Variants in FNDC7 observed in about 807,000 individuals in gnomAD.
FNDC7 encodes the protein fibronectin type III domain-containing protein 7.
In FNDC7, 66 loss-of-function variants were observed where a neutral mutation model predicts 74.2. The observed-to-expected ratio is 0.89, with a 90% CI of 0.73 to 1.09. The LOEUF (loss-of-function observed/expected upper bound fraction) is 1.09. FNDC7 is among the 50% of genes least tolerant of loss of function. The probability of loss-of-function intolerance (pLI) is 0.00; values close to 1 mark genes in which losing one functional copy is unlikely to be tolerated. For missense variants in FNDC7, 829 were observed against 893.4 expected (o/e 0.93, Z 0.92); for synonymous variants, 307 against 330.2 (o/e 0.93, Z 0.76).
chr1:108,713,603 C>G lies in FNDC7; in HGVS notation c.82+74C>G, dbSNP rs145315659. ...TTTCCATTGTTAATTCACGGGCTACCCTGAAATCTAAAGGCTATATGAGAA... is the reference window on the plus strand; with the variant it reads ...TTTCCATTGTTAATTCACGGGCTACGCTGAAATCTAAAGGCTATATGAGAA... On this transcript the variant is annotated intron_variant, in intron 2 of 12. Transcript: ENST00000370017. 879 of 1,341,158 alleles carry G rather than the reference C, an allele frequency of 6.6e-4. 2 individuals carry two copies. The African/African-American group carries it at 0.012, about 18-fold the overall frequency. 83.1% of individuals were successfully genotyped at this position (1,341,158 alleles called of 1,614,324 possible).
chr1:108,727,975 G>A lies in FNDC7; in HGVS notation c.1279G>A (p.Glu427Lys), dbSNP rs150990659. Reference protein sequence around the residue: ...TTPACTLSALECDTKYNITVY... With the variant: ...TTPACTLSALKCDTKYNITVY... ...TCCTGCGTGCACCCTTTCGGCTCTA[G>A]AGTGTGACACCAAGTACAACATCAC... is the stretch of plus-strand genomic sequence containing the variant. The change falls in exon 7 of 13, where the codon GAG (glutamate) becomes AAG (lysine). Residue 427 changes from glutamate to lysine, a missense_variant. Transcript: ENST00000370017. The A allele has an allele frequency of 6.2e-7, 1 of 1,614,042 alleles. No homozygotes were observed. The highest frequency in any genetic ancestry group is 8.5e-7 in the Non-Finnish European group (1 of 1,180,034).
intron 11 of FNDC7, among the ~76,000 whole-genome samples, chr1:108,739,865 C>T (rs776199143): frequency 3.3e-5 from 5 of 152,038 alleles, no homozygotes; most frequent in African/African-American, 4.8e-5. Context: ...CTGCTACTCT[C>T]TTGAAGTAGA....
chr1:108,733,652 T>A (rs1054715484), intron 10 of FNDC7, 120 bp downstream of exon 10: 47,962 of 536,552 alleles, frequency 0.089, 567 homozygotes, highest in South Asian at 0.16. Context: ...TTTCTTTCTT[T>A]TTTTTTTTTT....
chr1:108,730,505 A>G (rs1354074705), intron 8 of FNDC7, among the ~76,000 whole-genome samples, 169 bp from the exon 9 acceptor site: 2 of 152,210 alleles, frequency 1.3e-5, no homozygotes, highest in Admixed American at 1.3e-4. Flanking sequence ...TGAATGTTAC[A>G]TGACGCATCA....
intron 11 of FNDC7, among the ~76,000 whole-genome samples, chr1:108,738,700 C>T (rs905731331): frequency 2.6e-5 from 4 of 152,130 alleles, no homozygotes; most frequent in African/African-American, 9.7e-5. Context: ...AGAGTCTCCA[C>T]TCCCTGTTCT....
rs1661667014 is a variant in FNDC7 at position 108,742,253 on chromosome 1, T to C, written c.*366T>C. On this transcript the variant is annotated 3_prime_UTR_variant, in exon 13 of 13. Coordinates refer to ENST00000370017, the MANE Select transcript of FNDC7 (RefSeq NM_001144937.3). ...ACACCACAGACTTCAACACATCCAC[T>C]TCATGAGTGTTTTACAACAGCACTT... 5.8e-6 allele frequency: 1 copy of C among 173,624 alleles called. No individual in the cohort carries two copies. Among genetic ancestry groups the C allele is most frequent in the African/African-American group, 2.4e-5 (1 of 41,630 alleles). 10.8% of individuals were successfully genotyped at this position (173,624 alleles called of 1,614,324 possible). A position where few individuals can be genotyped will look rare whatever the true frequency, so the allele number is the denominator to read the frequency against.
chr1:108,715,665 G>A (rs1024357454), intron 2 of FNDC7, among the ~76,000 whole-genome samples: 6 of 35,006 alleles, frequency 1.7e-4, no homozygotes, highest in Non-Finnish European at 4.2e-4. Context: ...GCGTGCGTGC[G>A]CGCGCGCACA....
chr1:108,717,417 G>A (rs528776211), intron 2 of FNDC7, among the ~76,000 whole-genome samples: 22 of 150,518 alleles, frequency 1.5e-4, no homozygotes, highest in African/African-American at 5.3e-4. Flanking sequence ...CCCAATTGGA[G>A]TAGAATACTC....
At chr1:108,722,311 C>G in intron 4 of FNDC7, 24 bp from the exon 5 acceptor site, 1 of 1,549,774 alleles carries the variant, frequency 6.5e-7, no homozygotes, top group Non-Finnish European at 8.7e-7. Context: ...ACTACAAAAT[C>G]TTAATTGTTT....
At chr1:108,731,394 A>G (rs1368709762) in intron 9 of FNDC7, among the ~76,000 whole-genome samples, 1 of 152,246 alleles carries the variant, frequency 6.6e-6, no homozygotes, top group Admixed American at 6.5e-5. Context: ...ACAGTATTGT[A>G]CCTTGTTCTT....
Position 108,742,120 on chromosome 1 carries a change from A to G in FNDC7, c.*233A>G. 1 of 375,650 alleles carries G rather than the reference A, an allele frequency of 2.7e-6. No homozygotes were observed. The highest frequency in any genetic ancestry group is 4.8e-6 in the Non-Finnish European group (1 of 207,698). 23.3% of individuals were successfully genotyped at this position (375,650 alleles called of 1,614,324 possible). On this transcript the variant is annotated 3_prime_UTR_variant, in exon 13 of 13. Transcript: ENST00000370017. ...TATGTGAGGACTCTGGAGAGAAATG[A>G]ATCCAGAAAGTCCCCTGGACGGCTG...
chr1:108,717,493 T>A (rs1660999046), intron 2 of FNDC7, among the ~76,000 whole-genome samples: 1 of 152,232 alleles, frequency 6.6e-6, no homozygotes, highest in African/African-American at 2.4e-5. Context: ...TACTTCTCAT[T>A]CTTATTTAGC....
chr1:108,728,290 G>A (rs1314731861), intron 7 of FNDC7, among the ~76,000 whole-genome samples: 1 of 152,194 alleles, frequency 6.6e-6, no homozygotes, highest in Non-Finnish European at 1.5e-5. Flanking sequence ...GAGAGTAGAA[G>A]GTTTTGCCCA....
chr1:108,736,290 C>T (rs1052666026), intron 10 of FNDC7, among the ~76,000 whole-genome samples: 1 of 152,110 alleles, frequency 6.6e-6, no homozygotes, highest in Non-Finnish European at 1.5e-5. Flanking sequence ...CCACTTCCAC[C>T]AAGAGAACTC....
At chr1:108,714,260 A>T (rs1231916007) in intron 2 of FNDC7, among the ~76,000 whole-genome samples, 1 of 152,226 alleles carries the variant, frequency 6.6e-6, no homozygotes, top group African/African-American at 2.4e-5. Context: ...ATTTTTATTT[A>T]TTATTTTGTC....
chr1:108,716,320 G>GGGGTGTGTGTGT (rs1388240203), intron 2 of FNDC7, among the ~76,000 whole-genome samples: 1 of 95,694 alleles, frequency 1.0e-5, no homozygotes, highest in Non-Finnish European at 2.2e-5. Flanking sequence ...GCAGAAGAGA[G>GGGGTGTGTGTGT]GTGTGTGTGT....
rs201720195 is a variant in FNDC7, at chr1:108,717,985, C to A, written c.291C>A (p.Ser97Arg). Residue 97 changes from serine to arginine, a missense_variant, in exon 3 of 13, where the codon AGC becomes AGA. Ser to Arg is a moderately radical substitution (Grantham distance 110). Coordinates refer to ENST00000370017, the MANE Select transcript of FNDC7 (RefSeq NM_001144937.3). ...ATGAAATCACCATCAGATCCATCAG[C>A]GCTGCTGGGAGAAGCCAGGCGTCAC... ...TWYEITIRSI[S>R]AAGRSQASPP... 1.5e-4 allele frequency: 238 copies of A among 1,551,720 alleles called. No individual in the cohort carries two copies. Among genetic ancestry groups the A allele is most frequent in the Middle Eastern group, 8.3e-4 (5 of 5,992 alleles).
intron 3 of FNDC7, 146 bp from the exon 4 acceptor site, chr1:108,718,643 C>A: frequency 2.4e-6 from 2 of 834,968 alleles, no homozygotes; most frequent in Non-Finnish European, 3.6e-6. Flanking sequence ...ACTTAAATAG[C>A]AATTATTTAA....
Position 108,741,839 on chromosome 1 carries a change from CAAGT to C in FNDC7, c.*36_*37+2del. The C allele has an allele frequency of 6.2e-7, 1 of 1,605,852 alleles. No individual in the cohort carries two copies. Among genetic ancestry groups the C allele is most frequent in the East Asian group, 2.2e-5 (1 of 44,812 alleles). On this transcript the variant is annotated splice_donor_variant and 3_prime_UTR_variant, in exon 12 of 13. Transcript: ENST00000370017. LOFTEE classifies it low-confidence loss of function (3UTR_SPLICE). ...CCCCAGATAAAAACAAAAACTTGAC[CAAGT>C]GAGTAACGTAAATTGATTTTGTGTG...
Sources: gnomAD v4.1 joint callset for allele counts (sites outside exome capture counted in the v4.1 genomes callset) on GRCh38, gnomAD v4.1.1 for gene constraint, MANE v1.5 for transcripts, NCBI Gene and HGNC (gene_info 2026-07-23, HGNC 2026-07-21) for gene names.